TRMU: variants seen among roughly 807,000 people sequenced by gnomAD.
The protein encoded by TRMU is mitochondrial tRNA-specific 2-thiouridylase 1.
In TRMU, 49 loss-of-function variants were observed where a neutral mutation model predicts 46.9. The ratio of observed to expected loss-of-function variants is 1.05; its 90% CI spans 0.83 to 1.33. The LOEUF is 1.33. Among genes scored for constraint, TRMU ranks in the 40% most tolerant of loss-of-function variants. The pLI, the probability that TRMU is intolerant of heterozygous loss-of-function variation, is 0.00. For missense variants in TRMU, 572 were observed against 532.4 expected, an observed-to-expected ratio of 1.07 and a Z score of -0.73; for synonymous variants, 241 against 200.9, an observed-to-expected ratio of 1.20 and a Z score of -1.69.
At position 46,338,140 on chromosome 22, in the gene TRMU, C is replaced by T. The variant is rs2078029315; in HGVS notation, c.248+196C>T. On this transcript the variant is annotated intron_variant, in intron 2 of 10. Transcript: ENST00000645190. This position sits in a 1 kb window ranked among gnomAD's most constrained non-coding sequence, Gnocchi z 4.5. Reference sequence around the variant, plus strand: ...GGCGAGGCCTGGACCCCACAGCACACCCAGCTCTCTCACTCCTGTCATTTT... The same window carrying T: ...GGCGAGGCCTGGACCCCACAGCACATCCAGCTCTCTCACTCCTGTCATTTT... 1 of 653,824 alleles carries T rather than the reference C, an allele frequency of 1.5e-6. No homozygotes were observed. 40.5% of individuals were successfully genotyped at this position (653,824 alleles called of 1,614,324 possible).
At position 46,355,544 on chromosome 22, in the gene TRMU, AGAT is replaced by A. The variant is rs1569088290; in HGVS notation, c.979_981del (p.Met327del). 3 of 1,613,330 alleles carry A rather than the reference AGAT, an allele frequency of 1.9e-6. No individual in the cohort carries two copies. Among genetic ancestry groups the A allele is most frequent in the Admixed American group, 1.7e-5 (1 of 60,036 alleles). On this transcript the variant is annotated inframe_deletion, in exon 9 of 11. Transcript: ENST00000645190. Reference sequence around the variant, plus strand: ...CCTCCCGCAGCACTGGTCCGGGACAAGATGATGGAGTGCCACTTCCGATTCCGC... The same window carrying A: ...CCTCCCGCAGCACTGGTCCGGGACAAGATGGAGTGCCACTTCCGATTCCGC...
rs959834721 is a variant in TRMU at position 46,351,364 on chromosome 22, C to G, written c.652-757C>G. 6.6e-6 allele frequency among the ~76,000 whole-genome samples: 1 copy of G among 152,172 alleles called. No homozygotes were observed. The highest frequency in any genetic ancestry group is 2.4e-5 in the African/African-American group (1 of 41,448). ...GAGTGTTGGCGGAACTAGGATGAAG[C>G]CCGTGGGAGGGCCTTGGGGATGGAG... On this transcript the variant is annotated intron_variant, in intron 5 of 10. Transcript: ENST00000645190. This position sits in a 1 kb window ranked among gnomAD's most constrained non-coding sequence, Gnocchi z 6.4.
At chr22:46,345,282 A>G (rs971434778) in intron 3 of TRMU, among the ~76,000 whole-genome samples, 3 of 152,152 alleles carry the variant, frequency 2.0e-5, no homozygotes, top group Non-Finnish European at 2.9e-5. Context: ...CATGTTGGCC[A>G]GGCTGGTCTC....
intron 8 of TRMU, 139 bp from the exon 9 acceptor site, chr22:46,355,305 T>C (rs1198375072): frequency 2.3e-6 from 3 of 1,330,080 alleles, no homozygotes; most frequent in Middle Eastern, 2.6e-4. Flanking sequence ...TTTCTGTGGG[T>C]AGAACACTTC....
rs1029535663 is a variant in TRMU, at chr22:46,348,030, C to G, written c.478+1486C>G. Among the ~76,000 whole-genome samples, 1 of 152,160 alleles carries G rather than the reference C, an allele frequency of 6.6e-6. No homozygotes were observed. The highest frequency in any genetic ancestry group is 1.5e-5 in the Non-Finnish European group (1 of 68,046). On this transcript the variant is annotated intron_variant, in intron 4 of 10. Transcript: ENST00000645190. The surrounding 1 kb of genome is among the most constrained non-coding windows in gnomAD (Gnocchi z 4.8). ...GAGCCCAGAGAAGAGCAGCCCACTC[C>G]CGTAAGACAGCCCCCCATTTCAGGA...
chr22:46,337,820 C>T lies in TRMU; in HGVS notation c.124C>T (p.Leu42=), dbSNP rs749302637. 3 of 1,614,226 alleles carry T rather than the reference C, an allele frequency of 1.9e-6. No individual in the cohort carries two copies. The highest frequency in any genetic ancestry group is 1.7e-6 in the Non-Finnish European group (2 of 1,180,042). ...TGVFMKNWDS[L]DEHGVCTADK... is the part of the protein sequence containing the mutation. ...GGTGTTTATGAAGAACTGGGACTCACTGGATGAACATGGGGTCTGTACTGC... is the reference window on the plus strand; with the variant it reads ...GGTGTTTATGAAGAACTGGGACTCATTGGATGAACATGGGGTCTGTACTGC... The change falls in exon 2 of 11, where the codon CTG becomes TTG. Residue 42 remains leucine (L), a synonymous_variant. Transcript: ENST00000645190.
intron 2 of TRMU, among the ~76,000 whole-genome samples, chr22:46,340,331 T>C (rs6008762): frequency 0.15 from 22,502 of 152,110 alleles, 2,237 homozygotes; most frequent in African/African-American, 0.28. Context: ...TGGGGAAAGC[T>C]GGTTTAGGGG....
At chr22:46,337,537 G>T (rs2078010065) in intron 1 of TRMU, among the ~76,000 whole-genome samples, 2 of 152,160 alleles carry the variant, frequency 1.3e-5, no homozygotes, top group Non-Finnish European at 2.9e-5. Context: ...GCTAGGTATT[G>T]TGCTGATACA....
rs746766568 is a variant in TRMU at position 46,355,526 on chromosome 22, C to T, written c.956C>T (p.Ala319Val). Residue 319 changes from alanine to valine, a missense_variant, in exon 9 of 11, where the codon GCA (alanine) becomes GTA (valine). Ala to Val is a moderately conservative substitution (Grantham distance 64). Transcript: ENST00000645190. The stretch of plus-strand genomic sequence containing the variant: ...CACTGGATTGCGGAGGAGCCTCCCG[C>T]AGCACTGGTCCGGGACAAGATGATG... ...RVHWIAEEPP[A>V]ALVRDKMMEC... The T allele has an allele frequency of 6.2e-7, 1 of 1,613,288 alleles. No individual in the cohort carries two copies. The highest frequency in any genetic ancestry group is 8.5e-7 in the Non-Finnish European group (1 of 1,180,040).
rs2078644262 is a variant in TRMU at position 46,357,301 on chromosome 22, G to C, written c.*295G>C. On this transcript the variant is annotated 3_prime_UTR_variant, in exon 11 of 11. Transcript: ENST00000645190. ...TACACCGAGGGGACCTGCAGAGGGG[G>C]CTGTCGGGACAGCGTGGAATAAACA... 1.9e-6 allele frequency: 1 copy of C among 525,686 alleles called. No individual in the cohort carries two copies. Among genetic ancestry groups the C allele is most frequent in the East Asian group, 3.4e-5 (1 of 29,072 alleles). 32.6% of individuals were successfully genotyped at this position (525,686 alleles called of 1,614,324 possible). A position where few individuals can be genotyped will look rare whatever the true frequency, so the allele number is the denominator to read the frequency against.
intron 7 of TRMU, chr22:46,352,590 CTG>C (rs1437768085): frequency 3.5e-6 from 2 of 568,416 alleles, no homozygotes; most frequent in South Asian, 2.0e-5. Context: ...GGACTATACT[CTG>C]TGAGTTACGT....
At position 46,338,615 on chromosome 22, in the gene TRMU, C is replaced by T. The variant is rs933275803; in HGVS notation, c.248+671C>T. On this transcript the variant is annotated intron_variant, in intron 2 of 10. Transcript: ENST00000645190. This position sits in a 1 kb window ranked among gnomAD's most constrained non-coding sequence, Gnocchi z 4.5. The stretch of plus-strand genomic sequence containing the variant: ...TGTGGAGTAATCAAGAAGGCTTCAC[C>T]GGAGAGGAGGGGTTGCAAACAAAGT... Among the ~76,000 whole-genome samples, 9 of 152,270 alleles carry T rather than the reference C, an allele frequency of 5.9e-5. No individual in the cohort carries two copies. The highest frequency in any genetic ancestry group is 1.0e-4 in the Non-Finnish European group (7 of 68,020).
chr22:46,340,762 G>A (rs966919336), intron 2 of TRMU, among the ~76,000 whole-genome samples: 9 of 152,124 alleles, frequency 5.9e-5, no homozygotes, highest in Non-Finnish European at 1.0e-4. Context: ...AATTAGGAGC[G>A]GAGCTGGGAT....
In TRMU at chr22:46,348,221, C is replaced by A. The variant is rs1306324410; in HGVS notation, c.478+1677C>A. 6.6e-6 allele frequency among the ~76,000 whole-genome samples: 1 copy of A among 152,174 alleles called. No individual in the cohort carries two copies. On this transcript the variant is annotated intron_variant, in intron 4 of 10. Coordinates refer to ENST00000645190, the MANE Select transcript of TRMU (RefSeq NM_018006.5). The surrounding 1 kb of genome is among the most constrained non-coding windows in gnomAD (Gnocchi z 4.8). Reference sequence around the variant, plus strand: ...TTAATTTCCATGTTGAATAGATGCGCCTGCTTACCTCCTAGAACATTACCT... The same window carrying A: ...TTAATTTCCATGTTGAATAGATGCGACTGCTTACCTCCTAGAACATTACCT...
chr22:46,336,871 G>A lies in TRMU; in HGVS notation c.83-908G>A, dbSNP rs969315852. Among the ~76,000 whole-genome samples the A allele has an allele frequency of 6.6e-6, 1 of 152,118 alleles. No individual in the cohort carries two copies. The highest frequency in any genetic ancestry group is 1.5e-5 in the Non-Finnish European group (1 of 68,022). ...TAGGATGTCACTAAGCAGAGACTTG[G>A]AGGTGGAGGCGGCCCTCCCGGCACA... On this transcript the variant is annotated intron_variant, in intron 1 of 10. Transcript: ENST00000645190. This position sits in a 1 kb window ranked among gnomAD's most constrained non-coding sequence, Gnocchi z 4.1.
chr22:46,344,179 G>T (rs113619971), intron 3 of TRMU, among the ~76,000 whole-genome samples: 1,744 of 152,294 alleles, frequency 0.011, 36 homozygotes, highest in African/African-American at 0.041. Flanking sequence ...GGTTGCCATT[G>T]AATCTTCTGC....
Position 46,335,786 on chromosome 22 carries a change from G to A in TRMU, c.22G>A (p.Val8Met), listed in dbSNP as rs774656347. The change falls in exon 1 of 11, where the codon GTG (valine) becomes ATG (methionine). Residue 8 changes from valine (V) to methionine (M), a missense_variant. Coordinates refer to ENST00000645190, the MANE Select transcript of TRMU (RefSeq NM_018006.5). ...GCGGATGCAGGCCTTGCGGCACGTCGTGTGCGCCCTGTCCGGCGGCGTGGA... is the reference window on the plus strand; with the variant it reads ...GCGGATGCAGGCCTTGCGGCACGTCATGTGCGCCCTGTCCGGCGGCGTGGA... The part of the protein sequence containing the change: MQALRHV[V>M]CALSGGVDSA... 5 of 1,558,782 alleles carry A rather than the reference G, an allele frequency of 3.2e-6. No individual in the cohort carries two copies. The African/African-American group carries it at 4.1e-5, about 13-fold the overall frequency.
At position 46,343,308 on chromosome 22, in the gene TRMU, A is replaced by T. The variant is rs759555382; in HGVS notation, c.295A>T (p.Ile99Leu). The T allele has an allele frequency of 5.0e-6, 8 of 1,614,108 alleles. No homozygotes were observed. In the South Asian group the frequency reaches 8.8e-5, roughly 18 times the overall value. The change falls in exon 3 of 11, where the codon ATA becomes TTA. Residue 99 changes from isoleucine (I) to leucine (L), a missense_variant. Ile to Leu is a conservative substitution (Grantham distance 5). Transcript: ENST00000645190. ...YEKGRTPNPD[I>L]VCNKHIKFSC... ...AAAAGGAAGGACTCCCAATCCTGAC[A>T]TAGTTTGCAACAAGCACATCAAATT...
intron 2 of TRMU, 125 bp from the exon 3 acceptor site, chr22:46,343,137 T>C: frequency 1.4e-6 from 1 of 724,914 alleles, no homozygotes; most frequent in East Asian, 2.7e-5. Context: ...TCTCCTGTTT[T>C]GCAGAAAATT....
Sources: allele counts gnomAD v4.1 joint callset (sites outside exome capture counted in the v4.1 genomes callset), GRCh38; gene constraint gnomAD v4.1.1; non-coding constraint Gnocchi (gnomAD v3.1); transcripts MANE v1.5; gene names NCBI Gene and HGNC (gene_info 2026-07-23, HGNC 2026-07-21).